NOS1: variants seen among roughly 807,000 people sequenced by gnomAD.
NOS1 encodes the protein NOS type I.
NOS1 carries 51 observed loss-of-function variants against 164.5 expected under a neutral mutation model. That is an observed-to-expected ratio of 0.31 (90% CI 0.25 to 0.39). The LOEUF is 0.39. Ranked by LOEUF, NOS1 falls within the 10% of genes least tolerant of loss-of-function variation. The pLI is 1.00. For synonymous variants in NOS1, 719 were observed against 745.8 expected (o/e 0.96, Z 0.59); for missense variants, 1,362 against 1,885.6 (o/e 0.72, Z 5.14).
chr12:117,284,055 G>A (rs940283954), intron 7 of NOS1, among the ~76,000 whole-genome samples: 3 of 152,066 alleles, frequency 2.0e-5, no homozygotes, highest in African/African-American at 4.8e-5. Context: ...ATTACAGGCC[G>A]TTTTCTTACT....
chr12:117,255,782 C>T (rs1343829857), intron 16 of NOS1, among the ~76,000 whole-genome samples: 3 of 152,200 alleles, frequency 2.0e-5, no homozygotes, highest in Non-Finnish European at 4.4e-5. Context: ...AGGGGTTAAG[C>T]GACTTGCTCA....
intron 16 of NOS1, among the ~76,000 whole-genome samples, chr12:117,254,028 T>C (rs561047693): frequency 1.3e-5 from 2 of 152,220 alleles, no homozygotes; most frequent in African/African-American, 2.4e-5. Flanking sequence ...AAAGTTAAAA[T>C]GATTTAATCA....
In NOS1 at chr12:117,242,672, G is replaced by C; in HGVS notation, c.2996C>G (p.Ala999Gly). The part of the protein sequence containing the change: ...LSNVHKKRVS[A>G]ARLLSRQNLQ... ...GTTTTGACGGCTAAGGAGCCGGGCA[G>C]CTGAGACTCGCTTTTTGTGGACATT... The change falls in exon 20 of 29, where the codon GCT becomes GGT. Residue 999 changes from alanine to glycine, a missense_variant. Ala to Gly is a moderately conservative substitution (Grantham distance 60, BLOSUM62 0). Around this residue, in one of 4 missense-constraint regions of NOS1, gnomAD observed 737 missense variants for 1,030.3 expected, o/e 0.72. Coordinates refer to ENST00000317775, the MANE Select transcript of NOS1 (RefSeq NM_000620.5). The C allele has an allele frequency of 6.8e-6, 11 of 1,614,164 alleles. No homozygotes were observed. The highest frequency in any genetic ancestry group is 9.3e-6 in the Non-Finnish European group (11 of 1,180,004).
At chr12:117,308,808 G>T (rs766503851) in intron 3 of NOS1, among the ~76,000 whole-genome samples, 1 of 152,028 alleles carries the variant, frequency 6.6e-6, no homozygotes, top group Non-Finnish European at 1.5e-5. Flanking sequence ...TGTTGGTCAG[G>T]CTGGTCTTGA....
intron 3 of NOS1, among the ~76,000 whole-genome samples, chr12:117,295,292 T>G (rs1873333493): frequency 6.6e-6 from 1 of 152,210 alleles, no homozygotes; most frequent in African/African-American, 2.4e-5. Flanking sequence ...ATTTTTGGGT[T>G]ATTGAATGCA....
chr12:117,339,668 A>C (rs769711400), intron 1 of NOS1, among the ~76,000 whole-genome samples: 3 of 152,240 alleles, frequency 2.0e-5, no homozygotes, highest in Admixed American at 1.3e-4. Flanking sequence ...ACTATGGCAC[A>C]TCCATACAAC....
At position 117,234,596 on chromosome 12, in the gene NOS1, C is replaced by T. The variant is rs776376341; in HGVS notation, c.3204G>A (p.Val1068=). The change falls in exon 21 of 29, where the codon GTG becomes GTA. Residue 1068 remains valine, a synonymous_variant. Transcript: ENST00000317775. This position sits in a 1 kb window ranked among gnomAD's most constrained non-coding sequence, Gnocchi z 4.3. ...CCGTGTTCCGCTCCTCCAGCAGTTC[C>T]ACTTTCACCATCTGGTTGACAGGCG... ...DAPPVNQMVK[V]ELLEERNTAL... is the part of the protein sequence containing the mutation. 3 of 1,613,892 alleles carry T rather than the reference C, an allele frequency of 1.9e-6. No individual in the cohort carries two copies. The highest frequency in any genetic ancestry group is 4.5e-5 in the East Asian group (2 of 44,888).
chr12:117,260,748 G>T, intron 13 of NOS1, 139 bp from the exon 14 acceptor site: 1 of 827,764 alleles, frequency 1.2e-6, no homozygotes, highest in Non-Finnish European at 1.8e-6. Flanking sequence ...GGCTTCAGGG[G>T]TTTCCTCAGA....
At chr12:117,245,049 T>A (rs998792197) in intron 18 of NOS1, among the ~76,000 whole-genome samples, 5 of 152,176 alleles carry the variant, frequency 3.3e-5, no homozygotes, top group Admixed American at 6.5e-5. Context: ...TCTCTCTTTG[T>A]CTGGGAGGAA....
chr12:117,347,456 C>G (rs1321152979), intron 1 of NOS1, among the ~76,000 whole-genome samples: 4 of 152,240 alleles, frequency 2.6e-5, no homozygotes, highest in South Asian at 4.2e-4. Flanking sequence ...GGCGCCTCCC[C>G]CTTTAGGTGG....
intron 3 of NOS1, among the ~76,000 whole-genome samples, chr12:117,306,534 TCAGGTGTTGTGAGCAC>T (rs965545264): frequency 1.3e-5 from 2 of 152,040 alleles, no homozygotes; most frequent in Non-Finnish European, 2.9e-5. Flanking sequence ...AGCAAGTGTC[TCAGGTGTTGTGAGCAC>T]CAAAGACAAC....
At chr12:117,292,145 G>A (rs922099953) in intron 3 of NOS1, among the ~76,000 whole-genome samples, 2 of 152,210 alleles carry the variant, frequency 1.3e-5, no homozygotes, top group Non-Finnish European at 2.9e-5. Flanking sequence ...GAAGAATACA[G>A]ACAGGTACCT....
In NOS1 at chr12:117,320,308, T is replaced by C. The variant is rs545615335; in HGVS notation, c.726-8716A>G. On this transcript the variant is annotated intron_variant, in intron 2 of 28. Coordinates refer to ENST00000317775, the MANE Select transcript of NOS1 (RefSeq NM_000620.5). ...CGTGGGCCAATTTAATCATGTGTCT[T>C]GATAAGAGGGCTACAGAGGGAGCTC... Among the ~76,000 whole-genome samples the C allele has an allele frequency of 2.6e-5, 4 of 152,264 alleles. No individual in the cohort carries two copies. In the East Asian group the frequency reaches 7.7e-4, roughly 29 times the overall value.
Position 117,212,711 on chromosome 12 carries a change from T to C in NOS1, c.*2598A>G. On this transcript the variant is annotated 3_prime_UTR_variant, in exon 29 of 29. Transcript: ENST00000317775. ...AACCCTATTTTGCTTACCCATTGCT[T>C]AATTCTATTTTGCACTTAAACGGTT... 1 of 985,454 alleles carries C rather than the reference T, an allele frequency of 1.0e-6. No homozygotes were observed. Among genetic ancestry groups the C allele is most frequent in the Non-Finnish European group, 1.2e-6 (1 of 829,940 alleles). The allele number at this position is 985,454 out of a possible 1,614,324, so 61.0% of individuals were successfully genotyped here.
At chr12:117,258,800 G>A (rs970161229) in intron 15 of NOS1, among the ~76,000 whole-genome samples, 6 of 152,188 alleles carry the variant, frequency 3.9e-5, no homozygotes, top group Non-Finnish European at 8.8e-5. Flanking sequence ...AGCTCACTTA[G>A]GTGACAATAT....
chr12:117,335,529 G>A (rs562785172), intron 1 of NOS1, among the ~76,000 whole-genome samples: 1 of 152,142 alleles, frequency 6.6e-6, no homozygotes, highest in African/African-American at 2.4e-5. Context: ...ATGAGAGGGA[G>A]GAAGCCCAAA....
At chr12:117,297,252 G>A (rs1873478409) in intron 3 of NOS1, among the ~76,000 whole-genome samples, 1 of 152,228 alleles carries the variant, frequency 6.6e-6, no homozygotes. Flanking sequence ...TAGCCATGGG[G>A]TTGGAATGCA....
chr12:117,347,090 G>A (rs915837533), intron 1 of NOS1, among the ~76,000 whole-genome samples: 1 of 152,098 alleles, frequency 6.6e-6, no homozygotes, highest in East Asian at 1.9e-4. Flanking sequence ...AGTTGAAGAC[G>A]AGCCTGGCCA....
chr12:117,299,512 G>A lies in NOS1; in HGVS notation c.853-9086C>T, dbSNP rs767297965. 4.6e-4 allele frequency among the ~76,000 whole-genome samples: 70 copies of A among 151,900 alleles called. 1 individual carries two copies. Among genetic ancestry groups the A allele is most frequent in the Admixed American group, 1.3e-3 (20 of 15,226 alleles). ...AAACTAGCCGGGCGTGGTGGCGGGC[G>A]CCTGTAGTCCCAGCTACTCGGGAGG... On this transcript the variant is annotated intron_variant, in intron 3 of 28. Transcript: ENST00000317775.
Sources: allele counts gnomAD v4.1 joint callset (sites outside exome capture counted in the v4.1 genomes callset), GRCh38; gene constraint gnomAD v4.1.1; regional missense constraint gnomAD v4.1.1; non-coding constraint Gnocchi (gnomAD v3.1); transcripts MANE v1.5; gene names NCBI Gene and HGNC (gene_info 2026-07-23, HGNC 2026-07-21).